Variants in KCTD8 observed in about 807,000 individuals in gnomAD.
KCTD8 encodes the protein BTB/POZ domain-containing protein KCTD8.
Under a neutral mutation model 31.5 loss-of-function variants are expected in KCTD8, and 27 were observed. That is an observed-to-expected ratio of 0.86 (90% confidence interval 0.63 to 1.18). KCTD8 has a LOEUF of 1.18. Ranked by LOEUF, KCTD8 falls within the 50% of genes most tolerant of loss-of-function variation. The pLI, the probability that KCTD8 is intolerant of heterozygous loss-of-function variation, is 0.00. For synonymous variants in KCTD8, 290 were observed against 280.0 expected (o/e 1.04, Z -0.36); for missense variants, 658 against 647.7 (o/e 1.02, Z -0.17).
At chr4:44,417,415 T>C (rs1016844566) in intron 1 of KCTD8, among the ~76,000 whole-genome samples, 1 of 152,114 alleles carries the variant, frequency 6.6e-6, no homozygotes, top group Admixed American at 6.6e-5. Flanking sequence ...ACAGAATCTT[T>C]GAAGACGATT....
chr4:44,293,883 T>C (rs1717354218), intron 1 of KCTD8: 1 of 437,776 alleles, frequency 2.3e-6, no homozygotes, highest in Non-Finnish European at 4.5e-6. Context: ...ATAAATAGAA[T>C]TATTGCATAG....
chr4:44,213,238 C>CT (rs1202638597), intron 1 of KCTD8, among the ~76,000 whole-genome samples: 7 of 151,802 alleles, frequency 4.6e-5, no homozygotes, highest in African/African-American at 9.7e-5. Flanking sequence ...GCCCAGCCTT[C>CT]TTTTTTTTAT....
rs145442071 is a variant in KCTD8 at position 44,236,039 on chromosome 4, G to C, written c.962-60789C>G. ...AGAATCCTTACTATCTCCCCACCTG[G>C]AAGGCAAGGGAAGACAGCAGTTACC... On this transcript the variant is annotated intron_variant, in intron 1 of 1. Coordinates refer to ENST00000360029, the MANE Select transcript of KCTD8 (RefSeq NM_198353.3). Among the ~76,000 whole-genome samples, 1,066 of 152,208 alleles carry C rather than the reference G, an allele frequency of 7.0e-3. 18 individuals carry two copies. The highest frequency in any genetic ancestry group is 0.024 in the African/African-American group (1,001 of 41,542).
At chr4:44,196,056 G>A (rs973941966) in intron 1 of KCTD8, among the ~76,000 whole-genome samples, 8 of 152,184 alleles carry the variant, frequency 5.3e-5, no homozygotes, top group South Asian at 2.1e-4. Context: ...AAGTAAGGGT[G>A]GGGGCACTAA....
At chr4:44,353,538 C>T (rs1051912434) in intron 1 of KCTD8, among the ~76,000 whole-genome samples, 5 of 151,930 alleles carry the variant, frequency 3.3e-5, no homozygotes, top group East Asian at 1.9e-4. Context: ...GTTTCCCTAT[C>T]GTGCTTCCAA....
At chr4:44,378,254 T>C (rs1456784620) in intron 1 of KCTD8, among the ~76,000 whole-genome samples, 1 of 147,586 alleles carries the variant, frequency 6.8e-6, no homozygotes, top group Non-Finnish European at 1.5e-5. Flanking sequence ...TATATATATA[T>C]ATATCTCCAT....
At chr4:44,188,118 G>A (rs1056435837) in intron 1 of KCTD8, among the ~76,000 whole-genome samples, 7 of 152,066 alleles carry the variant, frequency 4.6e-5, no homozygotes, top group African/African-American at 1.7e-4. Context: ...CAGATCTTAA[G>A]TGCCTGCCTG....
intron 1 of KCTD8, among the ~76,000 whole-genome samples, chr4:44,434,729 C>A (rs1291286459): frequency 2.0e-5 from 3 of 151,868 alleles, no homozygotes; most frequent in African/African-American, 7.3e-5. Flanking sequence ...TTCAATACTT[C>A]ACACAAGAAA....
chr4:44,373,163 G>C (rs1348922823), intron 1 of KCTD8, among the ~76,000 whole-genome samples: 1 of 152,090 alleles, frequency 6.6e-6, no homozygotes, highest in East Asian at 1.9e-4. Context: ...AGGAGTTCGA[G>C]ACCAGCCTGA....
At chr4:44,182,121 TG>T (rs1319036546) in intron 1 of KCTD8, among the ~76,000 whole-genome samples, 1 of 149,012 alleles carries the variant, frequency 6.7e-6, no homozygotes, top group African/African-American at 2.5e-5. Flanking sequence ...GGGAGGAAGG[TG>T]GGGGGTCAGC....
chr4:44,239,432 T>A (rs1195409597), intron 1 of KCTD8, among the ~76,000 whole-genome samples: 1 of 152,126 alleles, frequency 6.6e-6, no homozygotes, highest in Admixed American at 6.6e-5. Flanking sequence ...AATAATAGCA[T>A]AGATCTCATA....
intron 1 of KCTD8, among the ~76,000 whole-genome samples, chr4:44,444,087 A>C (rs6447336): frequency 0.2 from 29,829 of 152,132 alleles, 3,056 homozygotes; most frequent in Middle Eastern, 0.22. Flanking sequence ...AACAGATATA[A>C]GGGTTCATGT....
At chr4:44,285,688 G>T (rs1429668771) in intron 1 of KCTD8, among the ~76,000 whole-genome samples, 1 of 152,140 alleles carries the variant, frequency 6.6e-6, no homozygotes, top group African/African-American at 2.4e-5. Context: ...AGGTGTGTAA[G>T]ATTGGTGTTG....
At position 44,287,376 on chromosome 4, in the gene KCTD8, ATTAT is replaced by A. The variant is rs200082738; in HGVS notation, c.962-112130_962-112127del. ...CATATCTTGATCATGTTTAAAGTAA[ATTAT>A]TTAAGCGTATGTTGATTATGTTTAA... is the stretch of plus-strand genomic sequence containing the variant. On this transcript the variant is annotated intron_variant, in intron 1 of 1. Transcript: ENST00000360029. Among the ~76,000 whole-genome samples, 461 of 152,330 alleles carry A rather than the reference ATTAT, an allele frequency of 3.0e-3. 1 individual carries two copies. The highest frequency in any genetic ancestry group is 0.01 in the African/African-American group (428 of 41,576).
At chr4:44,424,141 T>C (rs1721288820) in intron 1 of KCTD8, among the ~76,000 whole-genome samples, 1 of 152,090 alleles carries the variant, frequency 6.6e-6, no homozygotes, top group Non-Finnish European at 1.5e-5. Flanking sequence ...TATCATTGTG[T>C]AAAATCAACG....
At chr4:44,324,096 T>G (rs905298865) in intron 1 of KCTD8, among the ~76,000 whole-genome samples, 1 of 151,396 alleles carries the variant, frequency 6.6e-6, no homozygotes, top group Non-Finnish European at 1.5e-5. Context: ...AAACCAAATT[T>G]TTATCACAAG....
At chr4:44,223,215 G>A (rs1053760796) in intron 1 of KCTD8, among the ~76,000 whole-genome samples, 2 of 152,286 alleles carry the variant, frequency 1.3e-5, no homozygotes, top group East Asian at 1.9e-4. Context: ...TCCAAGTAAG[G>A]GGACAAGAGC....
Position 44,382,448 on chromosome 4 carries a change from C to T in KCTD8, c.961+65115G>A, listed in dbSNP as rs188501981. On this transcript the variant is annotated intron_variant, in intron 1 of 1. Transcript: ENST00000360029. ...TCTGTAAGAACTCAAACAAGATGGT[C>T]GGGCATGGTGGCTCACAGCTGTAAT... Among the ~76,000 whole-genome samples, 972 of 152,048 alleles carry T rather than the reference C, an allele frequency of 6.4e-3. 15 individuals are homozygous for T. The highest frequency in any genetic ancestry group is 7.1e-3 in the Non-Finnish European group (481 of 67,942).
intron 1 of KCTD8, among the ~76,000 whole-genome samples, chr4:44,314,775 TA>T (rs1480458602): frequency 1.3e-4 from 19 of 151,880 alleles, no homozygotes; most frequent in African/African-American, 4.6e-4. Flanking sequence ...TTTATAATAT[TA>T]TTTTTAATGG....
Sources: gnomAD v4.1 joint callset for allele counts (sites outside exome capture counted in the v4.1 genomes callset) on GRCh38, gnomAD v4.1.1 for gene constraint, MANE v1.5 for transcripts, NCBI Gene and HGNC (gene_info 2026-07-23, HGNC 2026-07-21) for gene names.